PCSK2: variants seen among roughly 807,000 people sequenced by gnomAD.
PCSK2 encodes neuroendocrine convertase 2.
Under a neutral mutation model 69.7 loss-of-function variants are expected in PCSK2, and 14 were observed. That is an observed-to-expected ratio of 0.20 (90% confidence interval 0.13 to 0.31). The LOEUF (loss-of-function observed/expected upper bound fraction) is 0.31, where lower values mean the gene tolerates loss of function less well. Among genes scored for constraint, PCSK2 ranks in the 10% least tolerant of loss-of-function variants. PCSK2 has a pLI of 1.00. For missense variants in PCSK2, 544 were observed against 842.5 expected (o/e 0.65, Z 4.39); for synonymous variants, 307 against 320.7 (o/e 0.96, Z 0.46).
chr20:17,478,298 A>G (rs1441238478), intron 11 of PCSK2, among the ~76,000 whole-genome samples: 1 of 152,230 alleles, frequency 6.6e-6, no homozygotes, highest in East Asian at 1.9e-4. Context: ...CTTAGCATTT[A>G]CACAGCACAT....
chr20:17,392,657 T>C (rs796267995), intron 5 of PCSK2, among the ~76,000 whole-genome samples: 8 of 152,324 alleles, frequency 5.3e-5, no homozygotes, highest in African/African-American at 1.9e-4. Context: ...TTGTCTCTTC[T>C]AGAATGTTAT....
intron 2 of PCSK2, among the ~76,000 whole-genome samples, chr20:17,352,869 G>A (rs1170393712): frequency 6.6e-6 from 1 of 152,118 alleles, no homozygotes; most frequent in Non-Finnish European, 1.5e-5. Context: ...AGGTGCTTCT[G>A]CACAGCAAAA....
chr20:17,457,209 G>A (rs764687644), intron 10 of PCSK2, among the ~76,000 whole-genome samples: 4 of 152,194 alleles, frequency 2.6e-5, no homozygotes, highest in Non-Finnish European at 4.4e-5. Flanking sequence ...TGTAAGTGCC[G>A]GCTGTGTAGG....
intron 7 of PCSK2, among the ~76,000 whole-genome samples, chr20:17,434,100 C>T (rs933667489): frequency 2.7e-5 from 4 of 145,638 alleles, no homozygotes; most frequent in Non-Finnish European, 4.5e-5. Context: ...CTCTCTCTCC[C>T]ACTCTCTCCT....
chr20:17,439,454 A>G (rs1245662183), intron 8 of PCSK2, among the ~76,000 whole-genome samples: 1 of 151,466 alleles, frequency 6.6e-6, no homozygotes, highest in Non-Finnish European at 1.5e-5. Context: ...TCTCTTCACC[A>G]CTCACAGCCT....
chr20:17,422,607 AGT>A (rs2032157220), intron 6 of PCSK2, among the ~76,000 whole-genome samples: 1 of 152,038 alleles, frequency 6.6e-6, no homozygotes, highest in Non-Finnish European at 1.5e-5. Flanking sequence ...GAAGAAGACA[AGT>A]AAGGAGGAGG....
chr20:17,307,802 G>A (rs538598948), intron 2 of PCSK2, among the ~76,000 whole-genome samples: 38 of 152,244 alleles, frequency 2.5e-4, no homozygotes, highest in South Asian at 4.2e-4. Context: ...ATTAAAGCAT[G>A]GAATATTAGT....
intron 2 of PCSK2, among the ~76,000 whole-genome samples, chr20:17,295,505 T>C (rs1390126355): frequency 6.8e-6 from 1 of 147,876 alleles, no homozygotes; most frequent in Non-Finnish European, 1.5e-5. Context: ...ATTATTTATT[T>C]ATTGTATATT....
chr20:17,294,080 A>G (rs1988786649), intron 2 of PCSK2, among the ~76,000 whole-genome samples: 1 of 146,190 alleles, frequency 6.8e-6, no homozygotes, highest in South Asian at 2.2e-4. Flanking sequence ...GTTGTTGTAA[A>G]CTTGTATAAA....
Position 17,303,491 on chromosome 20 carries a change from ATTT to A in PCSK2, c.282+43148_282+43150del, listed in dbSNP as rs1568593594. 9.0e-5 allele frequency among the ~76,000 whole-genome samples: 5 copies of A among 55,280 alleles called. No individual in the cohort carries two copies. The East Asian group carries it at 1.2e-3, about 13-fold the overall frequency. 36.3% of individuals were successfully genotyped at this position (55,280 alleles called of 152,430 possible). A position where few individuals can be genotyped will look rare whatever the true frequency, so the allele number is the denominator to read the frequency against. ...ATATATTATATATAATATATATTAT[ATTT>A]AATATAATATATATTATATATAATA... On this transcript the variant is annotated intron_variant, in intron 2 of 11. Transcript: ENST00000262545.
intron 4 of PCSK2, among the ~76,000 whole-genome samples, chr20:17,362,562 A>T (rs2030433844): frequency 6.6e-6 from 1 of 151,854 alleles, no homozygotes; most frequent in Non-Finnish European, 1.5e-5. Context: ...GAGTCTGAGG[A>T]CCTCTCCTCT....
chr20:17,341,515 T>C (rs1990510131), intron 2 of PCSK2, among the ~76,000 whole-genome samples: 2 of 152,226 alleles, frequency 1.3e-5, no homozygotes, highest in African/African-American at 4.8e-5. Context: ...AGAAGGGGTC[T>C]TGCTGAAAAA....
At chr20:17,265,977 C>A (rs1003032100) in intron 2 of PCSK2, among the ~76,000 whole-genome samples, 14 of 152,142 alleles carry the variant, frequency 9.2e-5, no homozygotes, top group Non-Finnish European at 1.9e-4. Context: ...AAATAAAAAA[C>A]TAAGTGAGAA....
At chr20:17,471,646 T>C (rs1257043745) in intron 11 of PCSK2, among the ~76,000 whole-genome samples, 1 of 152,246 alleles carries the variant, frequency 6.6e-6, no homozygotes, top group African/African-American at 2.4e-5. Context: ...GGAAGGGCTC[T>C]GCCTCCTCTC....
intron 1 of PCSK2, among the ~76,000 whole-genome samples, chr20:17,249,088 G>A (rs1487700231): frequency 6.6e-6 from 1 of 152,192 alleles, no homozygotes; most frequent in Non-Finnish European, 1.5e-5. Flanking sequence ...CATAGGAAGT[G>A]CAGGGGTAGG....
chr20:17,423,060 C>A (rs758296874), intron 6 of PCSK2, among the ~76,000 whole-genome samples: 16 of 152,104 alleles, frequency 1.1e-4, no homozygotes, highest in Non-Finnish European at 2.2e-4. Flanking sequence ...GGACTGATTT[C>A]TTCCCTTTTC....
chr20:17,262,393 G>T (rs1253249341), intron 2 of PCSK2, among the ~76,000 whole-genome samples: 2 of 151,992 alleles, frequency 1.3e-5, no homozygotes, highest in African/African-American at 4.8e-5. Flanking sequence ...GTTAAATGCT[G>T]GGGATGTTGT....
chr20:17,402,660 C>CAA (rs35767841), intron 5 of PCSK2, among the ~76,000 whole-genome samples: 13,117 of 112,830 alleles, frequency 0.12, 1,171 homozygotes, highest in African/African-American at 0.22. Context: ...GACTCTGTCT[C>CAA]AAAAAAAAAA....
At chr20:17,303,148 G>A (rs1989141763) in intron 2 of PCSK2, among the ~76,000 whole-genome samples, 1 of 145,692 alleles carries the variant, frequency 6.9e-6, no homozygotes, top group Non-Finnish European at 1.5e-5. Flanking sequence ...CAAAGGGATG[G>A]GTATAGCTCA....
Sources: allele counts gnomAD v4.1 joint callset (sites outside exome capture counted in the v4.1 genomes callset), GRCh38; gene constraint gnomAD v4.1.1; transcripts MANE v1.5; gene names NCBI Gene and HGNC (gene_info 2026-07-23, HGNC 2026-07-21).